The following CDH2 variants were observed in gnomAD, a reference collection of about 807,000 sequenced individuals.
The protein encoded by CDH2 is cadherin-2.
A neutral mutation model predicts 92.0 loss-of-function variants in CDH2; 17 were observed. The ratio of observed to expected loss-of-function variants is 0.18; its 90% CI spans 0.13 to 0.28. The LOEUF (loss-of-function observed/expected upper bound fraction) is 0.28, where lower values mean the gene tolerates loss of function less well. CDH2 is among the 10% of genes least tolerant of loss of function. The probability of loss-of-function intolerance (pLI) is 1.00; values close to 1 mark genes in which losing one functional copy is unlikely to be tolerated. For missense variants in CDH2, 862 were observed against 1,133.1 expected (o/e 0.76, Z 3.44); for synonymous variants, 419 against 415.9 (o/e 1.01, Z -0.09).
Position 27,985,556 on chromosome 18 carries a change from C to G in CDH2, c.1947G>C (p.Lys649Asn). 7 of 1,612,236 alleles carry G rather than the reference C, an allele frequency of 4.3e-6. No individual in the cohort carries two copies. Among genetic ancestry groups the G allele is most frequent in the Non-Finnish European group, 5.9e-6 (7 of 1,178,306 alleles). Residue 649 changes from lysine to asparagine, a missense_variant, in exon 12 of 16, where the codon AAG (lysine) becomes AAC (asparagine). Physicochemically the swap from Lys to Asn is moderately conservative, Grantham distance 94. Transcript: ENST00000269141. ...FDLPLSPVTI[K>N]RNWTITRLNG... ...TAAGCCGAGTGATGGTCCAATTTCT[C>G]TTAATAGTCACTGGAGATAAAGGAA... is the stretch of plus-strand genomic sequence containing the variant.
intron 2 of CDH2, among the ~76,000 whole-genome samples, chr18:28,089,455 G>T (rs2014997045): frequency 6.6e-6 from 1 of 152,012 alleles, no homozygotes; most frequent in South Asian, 2.1e-4. Context: ...TTCCTAGAAG[G>T]AAATTTTTAA....
At chr18:28,035,778 G>C (rs1029018475) in intron 2 of CDH2, among the ~76,000 whole-genome samples, 2 of 151,946 alleles carry the variant, frequency 1.3e-5, no homozygotes, top group Admixed American at 1.3e-4. Context: ...TCTTGTCTTT[G>C]TCCATTCCAT....
intron 1 of CDH2, among the ~76,000 whole-genome samples, chr18:28,157,949 A>G (rs117517091): frequency 0.017 from 2,597 of 152,320 alleles, 37 homozygotes; most frequent in Middle Eastern, 0.041. Flanking sequence ...CAGAGGTGAT[A>G]TTGATGAAGG....
chr18:28,146,324 T>C (rs1453136057), intron 2 of CDH2: 1 of 152,064 alleles, frequency 6.6e-6, no homozygotes, highest in Non-Finnish European at 1.5e-5. Context: ...ATACAAGTTC[T>C]AGGGTGCCAA....
intron 12 of CDH2, 144 bp downstream of exon 12, chr18:27,985,384 G>A (rs557765205): frequency 1.3e-6 from 1 of 788,982 alleles, no homozygotes; most frequent in Non-Finnish European, 2.0e-6. Context: ...TGGCCGTAAA[G>A]GCCTTTAATA....
chr18:27,955,369 T>TAAAAAAAA (rs760993428), intron 15 of CDH2, among the ~76,000 whole-genome samples: 2 of 30,884 alleles, frequency 6.5e-5, no homozygotes, highest in East Asian at 6.5e-4. Context: ...AGTATAATAG[T>TAAAAAAAA]AAAAAAAAAA....
intron 7 of CDH2, among the ~76,000 whole-genome samples, chr18:28,001,263 A>T (rs2012757157): frequency 6.6e-6 from 1 of 152,214 alleles, no homozygotes; most frequent in South Asian, 2.1e-4. Context: ...TGATTTTTAA[A>T]CATGGTTGGT....
Position 27,988,561 on chromosome 18 carries a change from G to C in CDH2, c.1704C>G (p.Asn568Lys). The part of the protein sequence containing the change: ...VLDRESPNVK[N>K]NIYNATFLAS... ...CAAGGAAAGTAGCATTATATATATT[G>C]TTTTTCACATTTGGTGATTCTCGGT... The change falls in exon 11 of 16, where the codon AAC becomes AAG. Residue 568 changes from asparagine (N) to lysine (K), a missense_variant. This residue lies in a region of CDH2 where 564 missense variants were observed against 722.2 expected (regional missense o/e 0.78). Coordinates refer to ENST00000269141, the MANE Select transcript of CDH2 (RefSeq NM_001792.5). The C allele has an allele frequency of 6.2e-7, 1 of 1,613,044 alleles. No homozygotes were observed. The highest frequency in any genetic ancestry group is 1.1e-5 in the South Asian group (1 of 91,042).
At chr18:28,033,932 G>T (rs1395568318) in intron 2 of CDH2, among the ~76,000 whole-genome samples, 1 of 152,036 alleles carries the variant, frequency 6.6e-6, no homozygotes, top group Non-Finnish European at 1.5e-5. Context: ...GTAGTCTTAT[G>T]TATTTTACAA....
chr18:28,170,624 C>T (rs1298592978), intron 1 of CDH2, among the ~76,000 whole-genome samples: 1 of 152,172 alleles, frequency 6.6e-6, no homozygotes, highest in African/African-American at 2.4e-5. Flanking sequence ...GGATTACAGG[C>T]ATCAGCCACC....
Position 27,979,405 on chromosome 18 carries a change from T to G in CDH2, c.2349+3539A>C, listed in dbSNP as rs553605024. Among the ~76,000 whole-genome samples, 4 of 152,306 alleles carry G rather than the reference T, an allele frequency of 2.6e-5. No homozygotes were observed. The East Asian group carries it at 7.7e-4, about 29-fold the overall frequency. ...GTGGGGAAGGGAGGTGTCAATTGTA[T>G]GATCACTTTGGAAAACGTACAGGAC... On this transcript the variant is annotated intron_variant, in intron 14 of 15. Coordinates refer to ENST00000269141, the MANE Select transcript of CDH2 (RefSeq NM_001792.5).
chr18:28,076,670 C>T (rs2014725068), intron 2 of CDH2, among the ~76,000 whole-genome samples: 1 of 151,240 alleles, frequency 6.6e-6, no homozygotes. Context: ...AGGTATATCT[C>T]CTAATGCTTT....
At chr18:27,973,989 A>G (rs1469799890) in intron 14 of CDH2, among the ~76,000 whole-genome samples, 1 of 152,186 alleles carries the variant, frequency 6.6e-6, no homozygotes, top group Non-Finnish European at 1.5e-5. Context: ...GTTAATGTTA[A>G]GAAACCAATA....
chr18:27,958,560 T>G lies in CDH2; in HGVS notation c.2514+4797A>C, dbSNP rs1038364178. Among the ~76,000 whole-genome samples, 7 of 150,020 alleles carry G rather than the reference T, an allele frequency of 4.7e-5. No homozygotes were observed. The South Asian group carries it at 1.3e-3, about 27-fold the overall frequency. On this transcript the variant is annotated intron_variant, in intron 15 of 15. Coordinates refer to ENST00000269141, the MANE Select transcript of CDH2 (RefSeq NM_001792.5). The stretch of plus-strand genomic sequence containing the variant: ...ACATATATAAATACGTGTATATTTA[T>G]ATATGTGTATATTTGTATATACACA...
intron 2 of CDH2, among the ~76,000 whole-genome samples, chr18:28,117,745 C>T (rs2015519011): frequency 6.6e-6 from 1 of 151,920 alleles, no homozygotes; most frequent in Admixed American, 6.6e-5. Flanking sequence ...TTTCAGTAAC[C>T]ACGTAGTGCA....
intron 2 of CDH2, among the ~76,000 whole-genome samples, chr18:28,019,338 G>A (rs1030891962): frequency 2.0e-5 from 3 of 151,356 alleles, no homozygotes; most frequent in Admixed American, 6.6e-5. Flanking sequence ...AAGAAGAAAG[G>A]AAGGAAGGAG....
chr18:28,105,965 C>A (rs1482510703), intron 2 of CDH2, among the ~76,000 whole-genome samples: 1 of 152,146 alleles, frequency 6.6e-6, no homozygotes, highest in Non-Finnish European at 1.5e-5. Flanking sequence ...GTAATAGATA[C>A]GAATTGAGTA....
At chr18:27,937,641 C>T (rs1371249330) in intron 6 of CDH2, among the ~76,000 whole-genome samples, 1 of 152,146 alleles carries the variant, frequency 6.6e-6, no homozygotes, top group Non-Finnish European at 1.5e-5. Context: ...ATTCTCTTCC[C>T]TATTTCTCTC....
chr18:28,103,034 T>C (rs1599102346), intron 2 of CDH2, among the ~76,000 whole-genome samples: 2 of 151,520 alleles, frequency 1.3e-5, no homozygotes, highest in East Asian at 3.9e-4. Flanking sequence ...TTTTCACTAG[T>C]TACTTAACAC....
Sources: allele counts gnomAD v4.1 joint callset (sites outside exome capture counted in the v4.1 genomes callset), GRCh38; gene constraint gnomAD v4.1.1; regional missense constraint gnomAD v4.1.1; transcripts MANE v1.5; gene names NCBI Gene and HGNC (gene_info 2026-07-23, HGNC 2026-07-21).